Variants in CACNB2 observed in about 807,000 individuals in gnomAD.
CACNB2 encodes voltage-dependent L-type calcium channel subunit beta-2.
In CACNB2, 42 loss-of-function variants were observed where a neutral mutation model predicts 73.3. The ratio of observed to expected loss-of-function variants is 0.57; its 90% CI spans 0.45 to 0.74. The LOEUF (loss-of-function observed/expected upper bound fraction) is 0.74, where lower values mean the gene tolerates loss of function less well. CACNB2 is among the 30% of genes least tolerant of loss of function. The pLI is 0.00. For missense variants in CACNB2, 940 were observed against 853.0 expected, an observed-to-expected ratio of 1.10 and a Z score of -1.27; for synonymous variants, 348 against 310.3, an observed-to-expected ratio of 1.12 and a Z score of -1.28.
rs762982462 is a variant in CACNB2, at chr10:18,464,418, T to TAAAAAAAAAAAA, written c.334-33926_334-33915dup. ...CAGAGTGAGACCCTGTCTCAAAAAT[T>TAAAAAAAAAAAA]AAAAAAAAAAAAAAAAAAAAAAGAA... On this transcript the variant is annotated intron_variant, in intron 3 of 13. Transcript: ENST00000324631. Among the ~76,000 whole-genome samples the TAAAAAAAAAAAA allele has an allele frequency of 3.0e-3, 255 of 85,248 alleles. 3 individuals are homozygous for TAAAAAAAAAAAA. Among genetic ancestry groups the TAAAAAAAAAAAA allele is most frequent in the African/African-American group, 9.0e-3 (224 of 24,924 alleles). The allele number at this position is 85,248 out of a possible 152,430, so 55.9% of individuals were successfully genotyped here.
Position 18,496,393 on chromosome 10 carries a change from T to A in CACNB2, c.334-1962T>A, listed in dbSNP as rs531592561. Reference sequence around the variant, plus strand: ...GTAGAACAAATTAACTTCGGAAAATTTGGAAATGAAAATGGGTTCTCTCTA... The same window carrying A: ...GTAGAACAAATTAACTTCGGAAAATATGGAAATGAAAATGGGTTCTCTCTA... On this transcript the variant is annotated intron_variant, in intron 3 of 13. Transcript: ENST00000324631. Among the ~76,000 whole-genome samples, 3 of 152,132 alleles carry A rather than the reference T, an allele frequency of 2.0e-5. No homozygotes were observed. The South Asian group carries it at 6.2e-4, about 32-fold the overall frequency.
intron 3 of CACNB2, among the ~76,000 whole-genome samples, chr10:18,415,572 G>A (rs1242624905): frequency 2.0e-5 from 3 of 152,050 alleles, no homozygotes; most frequent in African/African-American, 7.2e-5. Context: ...ACCAGAGAAG[G>A]GCACTTTAAA....
At chr10:18,425,229 A>G (rs1372424558) in intron 3 of CACNB2, among the ~76,000 whole-genome samples, 4 of 151,078 alleles carry the variant, frequency 2.6e-5, no homozygotes, top group African/African-American at 9.7e-5. Flanking sequence ...TTTATATGTC[A>G]TTATTTTTGT....
At chr10:18,195,885 T>C (rs549829427) in intron 2 of CACNB2, among the ~76,000 whole-genome samples, 1 of 152,352 alleles carries the variant, frequency 6.6e-6, no homozygotes, top group South Asian at 2.1e-4. Context: ...GAGCATACTC[T>C]TCTTTGTTTC....
At chr10:18,400,703 G>C (rs966066640) in intron 2 of CACNB2, 2 of 1,099,090 alleles carry the variant, frequency 1.8e-6, no homozygotes, top group Middle Eastern at 4.1e-4. Flanking sequence ...TTGAGCGCAG[G>C]GAAGAGAATG....
chr10:18,406,694 G>C (rs1265368400), intron 3 of CACNB2, among the ~76,000 whole-genome samples: 4 of 152,162 alleles, frequency 2.6e-5, no homozygotes, highest in Non-Finnish European at 4.4e-5. Flanking sequence ...ATACTACAAT[G>C]TAATAATAAC....
In CACNB2 at chr10:18,217,195, A is replaced by G. The variant is rs963151401; in HGVS notation, c.213+66220A>G. Among the ~76,000 whole-genome samples, 6 of 152,274 alleles carry G rather than the reference A, an allele frequency of 3.9e-5. No individual in the cohort carries two copies. In the East Asian group the frequency reaches 1.2e-3, roughly 30 times the overall value. ...ATAAAGCTATAAACAAATACTATAA[A>G]TAAGTCGGCTGTGCAAGCTGGCTCA... On this transcript the variant is annotated intron_variant, in intron 2 of 13. Coordinates refer to ENST00000324631, the MANE Select transcript of CACNB2 (RefSeq NM_201596.3).
At chr10:18,350,105 C>G (rs1189198341) in intron 2 of CACNB2, among the ~76,000 whole-genome samples, 3 of 151,944 alleles carry the variant, frequency 2.0e-5, no homozygotes, top group Non-Finnish European at 4.4e-5. Flanking sequence ...ATTAGCCAGG[C>G]ATGGTGGCGA....
At chr10:18,256,459 G>A (rs1042979794) in intron 2 of CACNB2, 2 of 152,180 alleles carry the variant, frequency 1.3e-5, no homozygotes, top group Non-Finnish European at 2.9e-5. Context: ...TGTACTGCCA[G>A]TTCAATTCTA....
chr10:18,252,095 T>A (rs1164758429), intron 2 of CACNB2, among the ~76,000 whole-genome samples: 1 of 152,200 alleles, frequency 6.6e-6, no homozygotes, highest in Admixed American at 6.5e-5. Flanking sequence ...TATTCTTGGG[T>A]CAAGCCAAAT....
intron 3 of CACNB2, among the ~76,000 whole-genome samples, chr10:18,493,089 G>T (rs1028668827): frequency 1.3e-5 from 2 of 152,128 alleles, no homozygotes; most frequent in Non-Finnish European, 2.9e-5. Flanking sequence ...TTTGCATAGC[G>T]TTTACCTTGT....
chr10:18,268,053 A>G (rs1293123481), intron 2 of CACNB2, among the ~76,000 whole-genome samples: 1 of 152,242 alleles, frequency 6.6e-6, no homozygotes, highest in Non-Finnish European at 1.5e-5. Context: ...GAACTGTTTC[A>G]ATTGTGATTA....
In CACNB2 at chr10:18,449,334, G is replaced by A. The variant is rs530291345; in HGVS notation, c.333+47291G>A. On this transcript the variant is annotated intron_variant, in intron 3 of 13. Transcript: ENST00000324631. ...TGGGAGGCAGAGCTTGCAGTGAGCC[G>A]AGATCGCGCCACTGCACTCCAGCCT... 2.2e-4 allele frequency among the ~76,000 whole-genome samples: 34 copies of A among 152,222 alleles called. 1 individual carries two copies. The highest frequency in any genetic ancestry group is 8.2e-4 in the African/African-American group (34 of 41,532).
At chr10:18,187,571 G>A (rs2034209826) in intron 2 of CACNB2, among the ~76,000 whole-genome samples, 1 of 151,930 alleles carries the variant, frequency 6.6e-6, no homozygotes, top group Admixed American at 6.6e-5. Flanking sequence ...AACATAGAGG[G>A]TTCTTATATT....
intron 2 of CACNB2, among the ~76,000 whole-genome samples, chr10:18,289,357 T>G (rs887085329): frequency 5.5e-5 from 8 of 145,502 alleles, no homozygotes; most frequent in South Asian, 2.2e-4. Context: ...TGCAGTGGCG[T>G]GATCTCGGCT....
At chr10:18,145,876 G>C (rs1300289229) in intron 1 of CACNB2, among the ~76,000 whole-genome samples, 2 of 152,152 alleles carry the variant, frequency 1.3e-5, no homozygotes, top group Non-Finnish European at 2.9e-5. Context: ...TGTGAAGAAG[G>C]CATGTGTTGT....
At chr10:18,484,502 A>T (rs1301572896) in intron 3 of CACNB2, among the ~76,000 whole-genome samples, 3 of 152,228 alleles carry the variant, frequency 2.0e-5, no homozygotes, top group Non-Finnish European at 4.4e-5. Context: ...AAAAATACCA[A>T]GTTATCACTC....
At chr10:18,441,626 T>C (rs2046414889) in intron 3 of CACNB2, among the ~76,000 whole-genome samples, 2 of 152,118 alleles carry the variant, frequency 1.3e-5, no homozygotes, top group African/African-American at 4.8e-5. Context: ...TTTCTGGGAT[T>C]TTTGTTGTTG....
Position 18,482,061 on chromosome 10 carries a change from T to C in CACNB2, c.334-16294T>C, listed in dbSNP as rs908133299. ...CCTGCCACCATGCCCTACTAATTTT[T>C]GTGGGTTTTTTTAGTAGAGATGGGG... On this transcript the variant is annotated intron_variant, in intron 3 of 13. Coordinates refer to ENST00000324631, the MANE Select transcript of CACNB2 (RefSeq NM_201596.3). Among the ~76,000 whole-genome samples the C allele has an allele frequency of 5.3e-5, 8 of 152,164 alleles. No individual in the cohort carries two copies. In the South Asian group the frequency reaches 1.7e-3, roughly 32 times the overall value.
Sources: allele counts gnomAD v4.1 joint callset (sites outside exome capture counted in the v4.1 genomes callset), GRCh38; gene constraint gnomAD v4.1.1; transcripts MANE v1.5; gene names NCBI Gene and HGNC (gene_info 2026-07-23, HGNC 2026-07-21).